RAD23A: variants seen among roughly 807,000 people sequenced by gnomAD.
RAD23A encodes RAD23 nucleotide excision repair protein A.
A neutral mutation model predicts 44.8 loss-of-function variants in RAD23A; 16 were observed. The observed-to-expected ratio is 0.36, with a 90% confidence interval of 0.24 to 0.54. RAD23A has a LOEUF of 0.54. Among genes scored for constraint, RAD23A ranks in the 20% least tolerant of loss-of-function variants. The pLI, the probability that RAD23A is intolerant of heterozygous loss-of-function variation, is 0.89. For missense variants in RAD23A, 380 were observed against 483.3 expected, an observed-to-expected ratio of 0.79 and a Z score of 2.00; for synonymous variants, 217 against 202.9, an observed-to-expected ratio of 1.07 and a Z score of -0.59.
rs548294453 is a variant in RAD23A, at chr19:12,953,240, A to G, written c.*191A>G. On this transcript the variant is annotated 3_prime_UTR_variant, in exon 9 of 9. Coordinates refer to ENST00000586534, the MANE Select transcript of RAD23A (RefSeq NM_005053.4). ...CCCCTGTTCCCATCTCCCGGGCCAG[A>G]CAGCTGTCCCCCCGTCCTCCTCCCC... The G allele has an allele frequency of 6.8e-6, 3 of 441,926 alleles. No individual in the cohort carries two copies. Among genetic ancestry groups the G allele is most frequent in the Non-Finnish European group, 1.2e-5 (3 of 256,970 alleles). 27.4% of individuals were successfully genotyped at this position (441,926 alleles called of 1,614,324 possible). A position where few individuals can be genotyped will look rare whatever the true frequency, so the allele number is the denominator to read the frequency against.
chr19:12,948,080 G>A lies in RAD23A; in HGVS notation c.234+71G>A, dbSNP rs1002001403. The A allele has an allele frequency of 1.2e-5, 19 of 1,608,012 alleles. No homozygotes were observed. In the East Asian group the frequency reaches 4.2e-4, roughly 36 times the overall value. ...AGCTGGCAAAGAGCCTGTGTGCCCA[G>A]GAGAGATTAGCTGTGAACAGGGCGG... On this transcript the variant is annotated intron_variant, in intron 2 of 8. Coordinates refer to ENST00000586534, the MANE Select transcript of RAD23A (RefSeq NM_005053.4). This position sits in a 1 kb window ranked among gnomAD's most constrained non-coding sequence, Gnocchi z 5.5.
rs1568453170 is a variant in RAD23A, at chr19:12,948,499, C to G, written c.419C>G (p.Ser140Cys). The G allele has an allele frequency of 6.3e-7, 1 of 1,589,988 alleles. No homozygotes were observed. Among genetic ancestry groups the G allele is most frequent in the African/African-American group, 1.3e-5 (1 of 74,180 alleles). Reference sequence around the variant, plus strand: ...ATTTCTCTCTCTTGAATTTGCAGCTCTGTTCCCTCTTCAGGTAGCAGCGGG... The same window carrying G: ...ATTTCTCTCTCTTGAATTTGCAGCTGTGTTCCCTCTTCAGGTAGCAGCGGG... ...PTTSPESVSG[S>C]VPSSGSSGRE... Residue 140 changes from serine to cysteine, a missense_variant and splice_region_variant, in exon 4 of 9, where the codon TCT becomes TGT. By Grantham distance (112) the Ser-to-Cys change is moderately radical (BLOSUM62 -1). Coordinates refer to ENST00000586534, the MANE Select transcript of RAD23A (RefSeq NM_005053.4). The surrounding 1 kb of genome is among the most constrained non-coding windows in gnomAD (Gnocchi z 5.5).
chr19:12,951,908 T>TG (rs959436972), intron 7 of RAD23A, among the ~76,000 whole-genome samples: 8 of 152,098 alleles, frequency 5.3e-5, no homozygotes, highest in African/African-American at 1.9e-4. Flanking sequence ...GCCAGACACT[T>TG]GCAGTTGTCT....
chr19:12,948,825 CT>C lies in RAD23A; in HGVS notation c.600+14del. The C allele has an allele frequency of 1.3e-6, 2 of 1,590,490 alleles. No homozygotes were observed. The highest frequency in any genetic ancestry group is 1.7e-6 in the Non-Finnish European group (2 of 1,171,636). On this transcript the variant is annotated intron_variant, in intron 5 of 8. Coordinates refer to ENST00000586534, the MANE Select transcript of RAD23A (RefSeq NM_005053.4). This position sits in a 1 kb window ranked among gnomAD's most constrained non-coding sequence, Gnocchi z 5.5. ...AGTATCTGCTCACGGTGAGGTGGGG[CT>C]TCCGCCTCCCGGGGAGGCCTTGAGG...
chr19:12,953,045 A>T lies in RAD23A; in HGVS notation c.1088A>T (p.Glu363Val). ...CTCCTGAGTCAGAACTTTGATGACG[A>T]GTGATGCCAGGAAGCCAGGCCACCG... is the stretch of plus-strand genomic sequence containing the variant. The part of the protein sequence containing the change: ...NFLLSQNFDD[E>V] Residue 363 changes from glutamate (E) to valine (V), a missense_variant, in exon 9 of 9, where the codon GAG (glutamate) becomes GTG (valine). Around this residue, in one of 3 missense-constraint regions of RAD23A, gnomAD observed 31 missense variants for 63.6 expected, o/e 0.49. Transcript: ENST00000586534. 1 of 1,613,814 alleles carries T rather than the reference A, an allele frequency of 6.2e-7. No individual in the cohort carries two copies. Among genetic ancestry groups the T allele is most frequent in the Non-Finnish European group, 8.5e-7 (1 of 1,179,800 alleles).
chr19:12,949,287 C>T lies in RAD23A; in HGVS notation c.692C>T (p.Pro231Leu). 6.2e-7 allele frequency: 1 copy of T among 1,614,134 alleles called. No homozygotes were observed. Among genetic ancestry groups the T allele is most frequent in the Non-Finnish European group, 8.5e-7 (1 of 1,179,976 alleles). ...TTCCTACTACCAGCAGGAGAGAACC[C>T]CCTGGAGTTCCTGCGGGACCAGCCC... The part of the protein sequence containing the change: ...QPATEAAGEN[P>L]LEFLRDQPQF... Residue 231 changes from proline (P) to leucine (L), a missense_variant, in exon 7 of 9, where the codon CCC (proline) becomes CTC (leucine). By Grantham distance (98) the Pro-to-Leu change is moderately conservative (BLOSUM62 -3). Coordinates refer to ENST00000586534, the MANE Select transcript of RAD23A (RefSeq NM_005053.4).
rs1355514010 is a variant in RAD23A, at chr19:12,952,666, C to G, written c.814-23C>G. 1.9e-6 allele frequency: 3 copies of G among 1,596,472 alleles called. No individual in the cohort carries two copies. The South Asian group carries it at 3.3e-5, about 18-fold the overall frequency. ...GGGGACCAGGGCTGTGAATTACCTTCCCTTCCCCACCCTCTCCTGCAGCAA... is the reference window on the plus strand; with the variant it reads ...GGGGACCAGGGCTGTGAATTACCTTGCCTTCCCCACCCTCTCCTGCAGCAA... On this transcript the variant is annotated intron_variant, in intron 7 of 8. Transcript: ENST00000586534.
Position 12,948,382 on chromosome 19 carries a change from G to A in RAD23A, c.416+24G>A, listed in dbSNP as rs1413038198. On this transcript the variant is annotated intron_variant, in intron 3 of 8. Transcript: ENST00000586534. This position sits in a 1 kb window ranked among gnomAD's most constrained non-coding sequence, Gnocchi z 5.5. Reference sequence around the variant, plus strand: ...GGGTAAGGCGGGGGCAGCAGTCCCAGCTTGGGCCCTGTCCTCCTAGCACAT... The same window carrying A: ...GGGTAAGGCGGGGGCAGCAGTCCCAACTTGGGCCCTGTCCTCCTAGCACAT... 1 of 1,559,296 alleles carries A rather than the reference G, an allele frequency of 6.4e-7. No individual in the cohort carries two copies. The highest frequency in any genetic ancestry group is 1.2e-5 in the South Asian group (1 of 82,776).
In RAD23A at chr19:12,952,938, G is replaced by A; in HGVS notation, c.981G>A (p.Leu327=). Residue 327 remains leucine, a splice_region_variant and synonymous_variant, in exon 9 of 9, where the codon TTG becomes TTA. Transcript: ENST00000586534. ...ACACTTAACCTATCTTCCCACAGTTGAAGGCCCTGGGCTTCCCAGAGAGCC... is the reference window on the plus strand; with the variant it reads ...ACACTTAACCTATCTTCCCACAGTTAAAGGCCCTGGGCTTCCCAGAGAGCC... ...TPQEKEAIER[L]KALGFPESLV... is the part of the protein sequence containing the mutation. 1.2e-6 allele frequency: 2 copies of A among 1,613,860 alleles called. No homozygotes were observed. Among genetic ancestry groups the A allele is most frequent in the Middle Eastern group, 1.7e-4 (1 of 6,058 alleles).
intron 1 of RAD23A, among the ~76,000 whole-genome samples, chr19:12,947,151 G>A (rs950369206): frequency 1.3e-5 from 2 of 152,204 alleles, no homozygotes; most frequent in Non-Finnish European, 2.9e-5. Context: ...GGCCAGGCAC[G>A]GTGGCTCATG....
In RAD23A at chr19:12,948,051, G is replaced by T; in HGVS notation, c.234+42G>T. On this transcript the variant is annotated intron_variant, in intron 2 of 8. Coordinates refer to ENST00000586534, the MANE Select transcript of RAD23A (RefSeq NM_005053.4). This position sits in a 1 kb window ranked among gnomAD's most constrained non-coding sequence, Gnocchi z 5.5. The stretch of plus-strand genomic sequence containing the variant: ...GGCTGGGAGGGTGGGTGGACGAGCT[G>T]GGGAGCTGGCAAAGAGCCTGTGTGC... 1 of 1,609,672 alleles carries T rather than the reference G, an allele frequency of 6.2e-7. No individual in the cohort carries two copies.
In RAD23A at chr19:12,948,294, G is replaced by T. The variant is rs766779899; in HGVS notation, c.352G>T (p.Ala118Ser). The T allele has an allele frequency of 2.5e-6, 4 of 1,612,730 alleles. No homozygotes were observed. The highest frequency in any genetic ancestry group is 1.1e-5 in the South Asian group (1 of 90,980). Reference sequence around the variant, plus strand: ...AGGCATGTCCCATCCCCCACCTGCCGCCAGAGAGGACAAGAGCCCATCAGA... The same window carrying T: ...AGGCATGTCCCATCCCCCACCTGCCTCCAGAGAGGACAAGAGCCCATCAGA... ...TSGMSHPPPAAREDKSPSEES... is the reference protein window; with the variant it reads ...TSGMSHPPPASREDKSPSEES... The change falls in exon 3 of 9, where the codon GCC becomes TCC. Residue 118 changes from alanine (A) to serine (S), a missense_variant. Around this residue, in one of 3 missense-constraint regions of RAD23A, gnomAD observed 279 missense variants for 313.7 expected, o/e 0.89. Transcript: ENST00000586534. The surrounding 1 kb of genome is among the most constrained non-coding windows in gnomAD (Gnocchi z 5.5).
intron 1 of RAD23A, 123 bp downstream of exon 1, chr19:12,946,143 C>T (rs1971666617): frequency 2.2e-6 from 2 of 900,600 alleles, no homozygotes; most frequent in South Asian, 3.5e-5. Flanking sequence ...CTGCCCAGAC[C>T]CCCGACCTGC....
rs45475700 is a variant in RAD23A at position 12,950,320 on chromosome 19, T to C, written c.813+912T>C. ...TCAGCCCCTCCCTGCACTCCAGCTC[T>C]CTGGTAGCCTCTTCCTGGGCCTCTG... On this transcript the variant is annotated intron_variant, in intron 7 of 8. Coordinates refer to ENST00000586534, the MANE Select transcript of RAD23A (RefSeq NM_005053.4). Among the ~76,000 whole-genome samples the C allele has an allele frequency of 3.6e-3, 551 of 152,274 alleles. 8 individuals carry two copies. Among genetic ancestry groups the C allele is most frequent in the African/African-American group, 0.013 (539 of 41,560 alleles).
At chr19:12,946,486 G>T (rs1032607170) in intron 1 of RAD23A, among the ~76,000 whole-genome samples, 1 of 152,214 alleles carries the variant, frequency 6.6e-6, no homozygotes, top group African/African-American at 2.4e-5. Context: ...AATTTTGGTG[G>T]TCCGTGTTTG....
intron 7 of RAD23A, among the ~76,000 whole-genome samples, chr19:12,951,427 TTTTTG>T (rs896325783): frequency 1.6e-4 from 24 of 152,032 alleles, no homozygotes; most frequent in Non-Finnish European, 2.8e-4. Flanking sequence ...TGTTCGCTGT[TTTTTG>T]TTTTTTTTGT....
At position 12,952,892 on chromosome 19, in the gene RAD23A, G is replaced by C. The variant is rs762905047; in HGVS notation, c.978+39G>C. The stretch of plus-strand genomic sequence containing the variant: ...CTGAGGGGTGACTGCAGGTGGGCAG[G>C]ACCCCTACCCTCTCCTGCTCACACT... On this transcript the variant is annotated intron_variant, in intron 8 of 8. Coordinates refer to ENST00000586534, the MANE Select transcript of RAD23A (RefSeq NM_005053.4). The C allele has an allele frequency of 3.7e-6, 6 of 1,606,664 alleles. No homozygotes were observed. The Admixed American group carries it at 1.0e-4, about 27-fold the overall frequency.
intron 7 of RAD23A, among the ~76,000 whole-genome samples, chr19:12,951,820 T>C (rs1449318554): frequency 6.6e-6 from 1 of 152,234 alleles, no homozygotes; most frequent in Non-Finnish European, 1.5e-5. Context: ...ACTTGCTGTT[T>C]GCTTTACCTG....
At position 12,953,004 on chromosome 19, in the gene RAD23A, C is replaced by T. The variant is rs147098638; in HGVS notation, c.1047C>T (p.Asn349=). 1.4e-4 allele frequency: 220 copies of T among 1,614,092 alleles called. No homozygotes were observed. The highest frequency in any genetic ancestry group is 6.3e-4 in the Admixed American group (38 of 59,998). Residue 349 remains asparagine, a synonymous_variant, in exon 9 of 9, where the codon AAC becomes AAT. Coordinates refer to ENST00000586534, the MANE Select transcript of RAD23A (RefSeq NM_005053.4). ...QAYFACEKNE[N]LAANFLLSQN... The stretch of plus-strand genomic sequence containing the variant: ...ATTTCGCGTGTGAAAAAAATGAGAA[C>T]TTGGCTGCCAACTTCCTCCTGAGTC...
Sources: gnomAD v4.1 joint callset for allele counts (sites outside exome capture counted in the v4.1 genomes callset) on GRCh38, gnomAD v4.1.1 for gene constraint, gnomAD v4.1.1 regional missense constraint, Gnocchi (gnomAD v3.1) non-coding constraint, MANE v1.5 for transcripts, NCBI Gene and HGNC (gene_info 2026-07-23, HGNC 2026-07-21) for gene names.